DNAJC6: variants seen among roughly 807,000 people sequenced by gnomAD.
DNAJC6 encodes DnaJ heat shock protein family (Hsp40) member C6, also known as auxilin.
In DNAJC6, 34 loss-of-function variants were observed where a neutral mutation model predicts 110.0. The observed-to-expected ratio is 0.31, with a 90% CI of 0.24 to 0.41. The LOEUF is 0.41. Among genes scored for constraint, DNAJC6 ranks in the 10% least tolerant of loss-of-function variants. The pLI, the probability that DNAJC6 is intolerant of heterozygous loss-of-function variation, is 1.00. For missense variants in DNAJC6, 1,031 were observed against 1,207.8 expected (o/e 0.85, Z 2.17); for synonymous variants, 406 against 437.2 (o/e 0.93, Z 0.89).
At chr1:65,358,094 A>G (rs1367623820) in intron 1 of DNAJC6, among the ~76,000 whole-genome samples, 17 of 147,436 alleles carry the variant, frequency 1.2e-4, no homozygotes, top group Non-Finnish European at 1.8e-4. Context: ...CAGGTGAATC[A>G]CTTGAACCTG....
intron 1 of DNAJC6, among the ~76,000 whole-genome samples, chr1:65,331,006 C>T (rs1645284224): frequency 6.6e-6 from 1 of 152,226 alleles, no homozygotes; most frequent in Non-Finnish European, 1.5e-5. Flanking sequence ...ATTCCACTCT[C>T]ATCCCATTGG....
At chr1:65,371,474 G>T (rs1293050558) in intron 4 of DNAJC6, among the ~76,000 whole-genome samples, 5 of 152,262 alleles carry the variant, frequency 3.3e-5, no homozygotes, top group South Asian at 4.1e-4. Flanking sequence ...TAGTAGCTAT[G>T]ATTAACATTG....
Position 65,339,137 on chromosome 1 carries a change from A to T in DNAJC6, c.194-25498A>T, listed in dbSNP as rs142131056. 1.7e-4 allele frequency among the ~76,000 whole-genome samples: 26 copies of T among 152,308 alleles called. No homozygotes were observed. The East Asian group carries it at 5.0e-3, about 29-fold the overall frequency. ...AGAACCTTTCACACAGTAGAAGCTC[A>T]ATAGATACCTGAGTAAATAAATAGG... On this transcript the variant is annotated intron_variant, in intron 1 of 18. Transcript: ENST00000371069.
intron 1 of DNAJC6, among the ~76,000 whole-genome samples, chr1:65,350,614 A>G (rs1645481507): frequency 6.6e-6 from 1 of 152,198 alleles, no homozygotes; most frequent in Non-Finnish European, 1.5e-5. Context: ...TCTGGAAGAC[A>G]GTTAAATTAC....
intron 6 of DNAJC6, among the ~76,000 whole-genome samples, chr1:65,385,317 T>G (rs1308455463): frequency 6.6e-6 from 1 of 152,244 alleles, no homozygotes; most frequent in African/African-American, 2.4e-5. Context: ...CTTCATTTTT[T>G]TAAAAACTAC....
At chr1:65,294,419 C>G (rs1486307448) in intron 1 of DNAJC6, among the ~76,000 whole-genome samples, 1 of 152,156 alleles carries the variant, frequency 6.6e-6, no homozygotes, top group Non-Finnish European at 1.5e-5. Flanking sequence ...AAAAAAAAAT[C>G]ACTTAATTTT....
intron 4 of DNAJC6, among the ~76,000 whole-genome samples, chr1:65,373,669 AT>A (rs2101576658): frequency 6.7e-6 from 1 of 148,930 alleles, no homozygotes; most frequent in African/African-American, 2.5e-5. Context: ...CTCCTTATAT[AT>A]TCTGGTTATT....
At chr1:65,392,356 A>G (rs2101613302) in intron 11 of DNAJC6, 75 bp from the exon 12 acceptor site, 1 of 1,336,306 alleles carries the variant, frequency 7.5e-7, no homozygotes. Context: ...CTGGAATTAT[A>G]TACATATATT....
At chr1:65,393,715 T>C (rs1176174246) in intron 12 of DNAJC6, among the ~76,000 whole-genome samples, 1 of 152,208 alleles carries the variant, frequency 6.6e-6, no homozygotes, top group Non-Finnish European at 1.5e-5. Flanking sequence ...TCAAATTAGC[T>C]GCCCCTTGGT....
At chr1:65,357,911 G>A (rs1645559477) in intron 1 of DNAJC6, among the ~76,000 whole-genome samples, 1 of 152,150 alleles carries the variant, frequency 6.6e-6, no homozygotes, top group African/African-American at 2.4e-5. Flanking sequence ...GGGCACGGTG[G>A]CTCATGCCTG....
At chr1:65,350,229 G>T (rs1296044292) in intron 1 of DNAJC6, among the ~76,000 whole-genome samples, 4 of 151,966 alleles carry the variant, frequency 2.6e-5, no homozygotes, top group Non-Finnish European at 5.9e-5. Flanking sequence ...AATTTCTGTC[G>T]ACCTGCCTTC....
rs1646143090 is a variant in DNAJC6 at position 65,413,042 on chromosome 1, T to A, written c.*17T>A. ...TTATATTAATTTATGAGCTTTTCCA[T>A]CTCTGCTGCAGACCTGTGCTAATGC... On this transcript the variant is annotated 3_prime_UTR_variant, in exon 19 of 19. Transcript: ENST00000371069. 1.2e-6 allele frequency: 2 copies of A among 1,608,770 alleles called. No individual in the cohort carries two copies. The highest frequency in any genetic ancestry group is 1.7e-5 in the Admixed American group (1 of 59,896).
chr1:65,300,931 GT>G (rs995132772), intron 1 of DNAJC6, among the ~76,000 whole-genome samples: 3 of 152,150 alleles, frequency 2.0e-5, no homozygotes, highest in Non-Finnish European at 2.9e-5. Flanking sequence ...GTACAATGGG[GT>G]TGCAAAATGA....
chr1:65,403,260 G>A (rs558414821), intron 15 of DNAJC6, among the ~76,000 whole-genome samples: 3 of 152,118 alleles, frequency 2.0e-5, no homozygotes, highest in East Asian at 1.9e-4. Flanking sequence ...TATAATCCTC[G>A]TTTTACAGAT....
intron 1 of DNAJC6, among the ~76,000 whole-genome samples, chr1:65,284,860 G>T (rs1304833387): frequency 3.3e-5 from 5 of 151,908 alleles, no homozygotes; most frequent in African/African-American, 1.2e-4. Context: ...GGCTCATTTT[G>T]TATTTTCAGT....
At chr1:65,335,119 T>C (rs1411368791) in intron 1 of DNAJC6, among the ~76,000 whole-genome samples, 1 of 151,940 alleles carries the variant, frequency 6.6e-6, no homozygotes, top group Non-Finnish European at 1.5e-5. Flanking sequence ...TTTTTTTTTT[T>C]TTTTCTTTAA....
chr1:65,311,215 GTT>G (rs71056098), intron 1 of DNAJC6, among the ~76,000 whole-genome samples: 187 of 68,850 alleles, frequency 2.7e-3, no homozygotes, highest in African/African-American at 9.3e-3. Flanking sequence ...TTTCAGGACT[GTT>G]TTTTTTTTTT....
Position 65,394,863 on chromosome 1 carries a change from G to T in DNAJC6, c.1904-35G>T, listed in dbSNP as rs749695444. 12 of 1,546,754 alleles carry T rather than the reference G, an allele frequency of 7.8e-6. No individual in the cohort carries two copies. The East Asian group carries it at 2.1e-4, about 28-fold the overall frequency. Reference sequence around the variant, plus strand: ...TGTGACATTTAGTGAATGAACTCATGGGACAAATAAATATATTTTCCCATT... The same window carrying T: ...TGTGACATTTAGTGAATGAACTCATTGGACAAATAAATATATTTTCCCATT... On this transcript the variant is annotated intron_variant, in intron 12 of 18. Transcript: ENST00000371069.
At chr1:65,390,430 T>C (rs1021503735) in intron 11 of DNAJC6, among the ~76,000 whole-genome samples, 1 of 152,186 alleles carries the variant, frequency 6.6e-6, no homozygotes, top group Non-Finnish European at 1.5e-5. Context: ...AAATAAGGGC[T>C]CGATTACTAG....
Sources: allele counts gnomAD v4.1 joint callset (sites outside exome capture counted in the v4.1 genomes callset), GRCh38; gene constraint gnomAD v4.1.1; transcripts MANE v1.5; gene names NCBI Gene and HGNC (gene_info 2026-07-23, HGNC 2026-07-21).